The following MAMDC2 variants were observed in gnomAD, a reference collection of about 807,000 sequenced individuals.
MAMDC2 encodes MAM domain containing 2.
In MAMDC2, 57 loss-of-function variants were observed where a neutral mutation model predicts 89.8. The observed-to-expected ratio is 0.63, with a 90% CI of 0.51 to 0.79. The LOEUF (loss-of-function observed/expected upper bound fraction) is 0.79. Among genes scored for constraint, MAMDC2 ranks in the 30% least tolerant of loss-of-function variants. The pLI is 0.00. For missense variants in MAMDC2, 800 were observed against 820.6 expected (o/e 0.97, Z 0.31); for synonymous variants, 313 against 293.4 (o/e 1.07, Z -0.68).
chr9:70,147,577 C>A (rs1365985987), intron 9 of MAMDC2, among the ~76,000 whole-genome samples: 1 of 150,156 alleles, frequency 6.7e-6, no homozygotes. Context: ...TAGACAGTGT[C>A]TCTTGACACC....
intron 2 of MAMDC2, among the ~76,000 whole-genome samples, chr9:70,104,087 T>C (rs1195685907): frequency 6.6e-6 from 1 of 152,046 alleles, no homozygotes; most frequent in East Asian, 1.9e-4. Flanking sequence ...TAAAACCTCT[T>C]ATAACTCAAC....
At chr9:70,145,704 A>AT (rs2031382431) in intron 9 of MAMDC2, among the ~76,000 whole-genome samples, 1 of 152,116 alleles carries the variant, frequency 6.6e-6, no homozygotes, top group Admixed American at 6.6e-5. Flanking sequence ...TAAAATAAGC[A>AT]TTTTATTTAT....
chr9:70,116,697 G>GAAAA (rs34849432), intron 5 of MAMDC2, among the ~76,000 whole-genome samples: 1 of 112,872 alleles, frequency 8.9e-6, no homozygotes, highest in Non-Finnish European at 1.8e-5. Flanking sequence ...TTTGGCATTA[G>GAAAA]AAAAAAAAAA....
chr9:70,162,446 T>G (rs911655569), intron 9 of MAMDC2, among the ~76,000 whole-genome samples: 1 of 144,230 alleles, frequency 6.9e-6, no homozygotes, highest in African/African-American at 2.4e-5. Context: ...GAACATGAAT[T>G]CCTGACATAC....
At chr9:70,150,530 A>G (rs893352214) in intron 9 of MAMDC2, among the ~76,000 whole-genome samples, 1 of 152,236 alleles carries the variant, frequency 6.6e-6, no homozygotes, top group Admixed American at 6.5e-5. Context: ...CTGGCTGTTT[A>G]TCAAGTACCT....
At chr9:70,140,594 G>A (rs1398752236) in intron 8 of MAMDC2, among the ~76,000 whole-genome samples, 2 of 152,164 alleles carry the variant, frequency 1.3e-5, no homozygotes, top group Non-Finnish European at 2.9e-5. Flanking sequence ...ATCTCCAGAA[G>A]AGACATATTC....
At chr9:70,050,961 T>C (rs1234628744) in intron 2 of MAMDC2, among the ~76,000 whole-genome samples, 2 of 152,236 alleles carry the variant, frequency 1.3e-5, no homozygotes, top group African/African-American at 2.4e-5. Context: ...TTATTGGTTG[T>C]TGTCAAGAAT....
chr9:70,107,079 C>T (rs370757350), intron 2 of MAMDC2, among the ~76,000 whole-genome samples: 10 of 152,172 alleles, frequency 6.6e-5, no homozygotes, highest in Non-Finnish European at 1.0e-4. Flanking sequence ...CGAAAGACAG[C>T]AGGTTAAATG....
chr9:70,046,050 A>G (rs979815533), intron 2 of MAMDC2, among the ~76,000 whole-genome samples: 3 of 152,328 alleles, frequency 2.0e-5, no homozygotes, highest in South Asian at 2.1e-4. Context: ...GTATGGAAGC[A>G]TTGCGGGAGA....
chr9:70,204,797 C>T (rs1022274392), intron 11 of MAMDC2, among the ~76,000 whole-genome samples: 6 of 152,180 alleles, frequency 3.9e-5, no homozygotes, highest in African/African-American at 1.2e-4. Flanking sequence ...GAGCAATATT[C>T]GGGTGGGAGT....
chr9:70,120,032 A>G (rs2030214139), intron 5 of MAMDC2, among the ~76,000 whole-genome samples: 1 of 152,176 alleles, frequency 6.6e-6, no homozygotes, highest in African/African-American at 2.4e-5. Context: ...GGTATGCCCT[A>G]CCAGCTCCCT....
intron 2 of MAMDC2, among the ~76,000 whole-genome samples, chr9:70,102,085 C>T (rs570518811): frequency 7.3e-5 from 11 of 151,328 alleles, no homozygotes; most frequent in African/African-American, 1.5e-4. Flanking sequence ...AAACATATTT[C>T]GTATGTGTGT....
intron 7 of MAMDC2, among the ~76,000 whole-genome samples, chr9:70,133,862 C>T (rs960541001): frequency 7.9e-5 from 12 of 152,154 alleles, no homozygotes; most frequent in African/African-American, 2.7e-4. Flanking sequence ...AACAGTGGGT[C>T]AGATTGCAAC....
chr9:70,133,817 C>T (rs1563969073), intron 7 of MAMDC2, among the ~76,000 whole-genome samples: 1 of 152,150 alleles, frequency 6.6e-6, no homozygotes, highest in Non-Finnish European at 1.5e-5. Flanking sequence ...GTATTATTTA[C>T]TTTATTTTCA....
intron 9 of MAMDC2, among the ~76,000 whole-genome samples, chr9:70,146,102 A>G (rs770274524): frequency 6.6e-6 from 1 of 152,186 alleles, no homozygotes; most frequent in Non-Finnish European, 1.5e-5. Context: ...CTCTGTTAAC[A>G]ACATGAGTTG....
At chr9:70,109,340 T>C (rs572812690) in intron 3 of MAMDC2, 12 of 183,434 alleles carry the variant, frequency 6.5e-5, no homozygotes, top group African/African-American at 2.3e-4. Flanking sequence ...TTGCAGAATA[T>C]AGGGCTAAAA....
chr9:70,139,839 T>A lies in MAMDC2; in HGVS notation c.995-306T>A, dbSNP rs150430151. On this transcript the variant is annotated intron_variant, in intron 7 of 13. Transcript: ENST00000377182. ...TAACTGGTGTGAGATGGTATCTCAT[T>A]GTGGTTTTGATTTGCATTTCCATGG... 3.3e-5 allele frequency among the ~76,000 whole-genome samples: 5 copies of A among 152,278 alleles called. No homozygotes were observed. The East Asian group carries it at 9.7e-4, about 29-fold the overall frequency.
intron 2 of MAMDC2, among the ~76,000 whole-genome samples, chr9:70,105,018 A>C (rs1474961471): frequency 6.6e-6 from 1 of 152,158 alleles, no homozygotes; most frequent in Non-Finnish European, 1.5e-5. Flanking sequence ...ACCCAAAGAA[A>C]ACTTCGTTAA....
intron 9 of MAMDC2, chr9:70,154,081 G>A (rs2118461932): frequency 6.6e-6 from 1 of 152,312 alleles, no homozygotes; most frequent in South Asian, 2.1e-4. Flanking sequence ...CCCTTGTCTT[G>A]TATAGCACCT....
Sources: allele counts gnomAD v4.1 joint callset (sites outside exome capture counted in the v4.1 genomes callset), GRCh38; gene constraint gnomAD v4.1.1; transcripts MANE v1.5; gene names NCBI Gene and HGNC (gene_info 2026-07-23, HGNC 2026-07-21).